The following NOL9 variants were observed in gnomAD, a reference collection of about 807,000 sequenced individuals.
NOL9 encodes nucleolar protein 9.
Under a neutral mutation model 67.9 loss-of-function variants are expected in NOL9, and 28 were observed. That is an observed-to-expected ratio of 0.41 (90% CI 0.31 to 0.57). NOL9 has a LOEUF of 0.57. Among genes scored for constraint, NOL9 ranks in the 20% least tolerant of loss-of-function variants. The pLI is 0.25. For synonymous variants in NOL9, 356 were observed against 352.2 expected (o/e 1.01, Z -0.12); for missense variants, 777 against 897.0 (o/e 0.87, Z 1.71).
At chr1:6,545,530 C>G (rs367944650) in intron 3 of NOL9, among the ~76,000 whole-genome samples, 2 of 152,152 alleles carry the variant, frequency 1.3e-5, no homozygotes, top group African/African-American at 4.8e-5. Flanking sequence ...CCTCTGAAAA[C>G]ATAAAGCAAA....
intron 9 of NOL9, among the ~76,000 whole-genome samples, chr1:6,530,957 T>C (rs1409297803): frequency 2.6e-5 from 4 of 152,222 alleles, no homozygotes; most frequent in African/African-American, 9.6e-5. Context: ...TCCCAGTCCC[T>C]GGCCTTGCTT....
intron 10 of NOL9, among the ~76,000 whole-genome samples, 154 bp from the exon 11 acceptor site, chr1:6,526,983 C>A (rs1350110274): frequency 6.6e-6 from 1 of 152,188 alleles, no homozygotes; most frequent in Non-Finnish European, 1.5e-5. Flanking sequence ...CAGTGGCTCA[C>A]GCCTGTAATC....
intron 2 of NOL9, 61 bp from the exon 3 acceptor site, chr1:6,549,759 A>G: frequency 6.3e-7 from 1 of 1,590,372 alleles, no homozygotes; most frequent in Non-Finnish European, 8.6e-7. Flanking sequence ...CACGCCCTTT[A>G]GGACTGCCAT....
At chr1:6,528,167 T>C (rs1265121981) in intron 10 of NOL9, among the ~76,000 whole-genome samples, 5 of 152,036 alleles carry the variant, frequency 3.3e-5, no homozygotes, top group Non-Finnish European at 2.9e-5. Context: ...TTTATTGACC[T>C]CAGGAAACCA....
At chr1:6,549,896 T>C (rs1274075602) in intron 2 of NOL9, among the ~76,000 whole-genome samples, 198 bp from the exon 3 acceptor site, 1 of 152,142 alleles carries the variant, frequency 6.6e-6, no homozygotes, top group East Asian at 1.9e-4. Context: ...CACATAATAA[T>C]TCTGTGGCCT....
rs1370371752 is a variant in NOL9, at chr1:6,526,154, C to T, written c.1960-151G>A. On this transcript the variant is annotated intron_variant, in intron 11 of 11. Transcript: ENST00000377705. ...AGGCATTTGATCCCTTCCTTCAGAGCCCCCTTTAATCAACTGGCTCGGTAA... is the reference window on the plus strand; with the variant it reads ...AGGCATTTGATCCCTTCCTTCAGAGTCCCCTTTAATCAACTGGCTCGGTAA... The T allele has an allele frequency of 4.4e-6, 3 of 683,596 alleles. No individual in the cohort carries two copies. The Middle Eastern group carries it at 8.7e-4, about 198-fold the overall frequency. 42.3% of individuals were successfully genotyped at this position (683,596 alleles called of 1,614,324 possible).
At chr1:6,531,943 A>G (rs1330801129) in intron 9 of NOL9, 25 bp downstream of exon 9, 2 of 1,578,626 alleles carry the variant, frequency 1.3e-6, no homozygotes, top group Admixed American at 1.7e-5. Context: ...AAATGAAGAC[A>G]ATTTCTCCTG....
chr1:6,525,764 G>T lies in NOL9; in HGVS notation c.*90C>A. 7.4e-7 allele frequency: 1 copy of T among 1,346,266 alleles called. No homozygotes were observed. The highest frequency in any genetic ancestry group is 1.1e-6 in the Non-Finnish European group (1 of 949,670). The allele number at this position is 1,346,266 out of a possible 1,614,324, so 83.4% of individuals were successfully genotyped here. On this transcript the variant is annotated 3_prime_UTR_variant, in exon 12 of 12. Coordinates refer to ENST00000377705, the MANE Select transcript of NOL9 (RefSeq NM_024654.5). ...TGTTGCTAATAAGGGCACCATTCAT[G>T]GCCATGAAACTCCATCATGTCTCTT...
intron 3 of NOL9, chr1:6,547,929 T>G (rs1639453353): frequency 4.3e-6 from 1 of 230,044 alleles, no homozygotes; most frequent in African/African-American, 2.3e-5. Flanking sequence ...CACACCGTCA[T>G]AGGCTTTCCT....
At position 6,525,058 on chromosome 1, in the gene NOL9, AAAG is replaced by A. The variant is rs921229664; in HGVS notation, c.*793_*795del. ...CTGGCCCCGAGGTTTTCCAGATTTG[AAAG>A]AAATTTCCTCAGCATAAAACCTCAG... On this transcript the variant is annotated 3_prime_UTR_variant, in exon 12 of 12. Coordinates refer to ENST00000377705, the MANE Select transcript of NOL9 (RefSeq NM_024654.5). 7 of 151,956 alleles carry A rather than the reference AAAG, an allele frequency of 4.6e-5. No individual in the cohort carries two copies. Among genetic ancestry groups the A allele is most frequent in the Admixed American group, 4.6e-4 (7 of 15,244 alleles). 9.4% of individuals were successfully genotyped at this position (151,956 alleles called of 1,614,324 possible).
intron 6 of NOL9, among the ~76,000 whole-genome samples, chr1:6,537,285 G>A (rs759231952): frequency 5.3e-5 from 8 of 151,970 alleles, no homozygotes; most frequent in Non-Finnish European, 1.0e-4. Flanking sequence ...ACCTGAAACT[G>A]TAAACCTACT....
At chr1:6,538,016 G>T (rs1361111082) in intron 6 of NOL9, among the ~76,000 whole-genome samples, 75 of 114,148 alleles carry the variant, frequency 6.6e-4, no homozygotes, top group Admixed American at 1.3e-3. Context: ...AAAAAAAAAA[G>T]AGTAAAAACT....
chr1:6,529,254 C>A, intron 9 of NOL9, 83 bp from the exon 10 acceptor site: 1 of 1,294,574 alleles, frequency 7.7e-7, no homozygotes, highest in Non-Finnish European at 1.1e-6. Context: ...AACCAGCTAT[C>A]TAAAGATAGG....
At chr1:6,542,527 G>T (rs1639318821) in intron 5 of NOL9, among the ~76,000 whole-genome samples, 1 of 149,462 alleles carries the variant, frequency 6.7e-6, no homozygotes, top group Non-Finnish European at 1.5e-5. Flanking sequence ...GCGCGATCTT[G>T]GCTCACTATA....
At chr1:6,553,145 C>T (rs1256450642) in intron 1 of NOL9, among the ~76,000 whole-genome samples, 1 of 152,156 alleles carries the variant, frequency 6.6e-6, no homozygotes, top group African/African-American at 2.4e-5. Context: ...GATCATACCC[C>T]ATGGCAGCTA....
intron 1 of NOL9, among the ~76,000 whole-genome samples, chr1:6,553,708 G>A (rs1185565506): frequency 1.3e-5 from 2 of 151,994 alleles, no homozygotes; most frequent in African/African-American, 4.8e-5. Flanking sequence ...CGGGCGAGGT[G>A]GCACGCGCCT....
intron 3 of NOL9, 49 bp from the exon 4 acceptor site, chr1:6,545,229 C>T (rs1375301599): frequency 6.4e-7 from 1 of 1,555,314 alleles, no homozygotes; most frequent in Non-Finnish European, 8.8e-7. Context: ...ATATTTTTTT[C>T]TTCAGTACTA....
rs1309562731 is a variant in NOL9, at chr1:6,550,395, C to T, written c.616+1G>A. ...GTAAATTACCCAGTTCTTTTCATTACCAAGGTTAAGATGAGATTTGAGCAA... is the reference window on the plus strand; with the variant it reads ...GTAAATTACCCAGTTCTTTTCATTATCAAGGTTAAGATGAGATTTGAGCAA... On this transcript the variant is annotated splice_donor_variant, in intron 2 of 11. Transcript: ENST00000377705. LOFTEE classifies it high-confidence loss of function. 1 of 1,613,076 alleles carries T rather than the reference C, an allele frequency of 6.2e-7. No individual in the cohort carries two copies.
intron 6 of NOL9, among the ~76,000 whole-genome samples, chr1:6,540,124 CTTTT>C (rs770304509): frequency 9.6e-6 from 1 of 104,382 alleles, no homozygotes; most frequent in African/African-American, 3.9e-5. Flanking sequence ...GAGAGTTATT[CTTTT>C]TTTTTTTTTT....
Sources: gnomAD v4.1 joint callset for allele counts (sites outside exome capture counted in the v4.1 genomes callset) on GRCh38, gnomAD v4.1.1 for gene constraint, MANE v1.5 for transcripts, NCBI Gene and HGNC (gene_info 2026-07-23, HGNC 2026-07-21) for gene names.